SIGLEC10: variants seen among roughly 807,000 people sequenced by gnomAD.
SIGLEC10 encodes the protein sialic acid binding Ig like lectin 10.
SIGLEC10 carries 45 observed loss-of-function variants against 68.3 expected under a neutral mutation model. That is an observed-to-expected ratio of 0.66 (90% CI 0.52 to 0.84). SIGLEC10 has a LOEUF of 0.84. Among genes scored for constraint, SIGLEC10 ranks in the 40% least tolerant of loss-of-function variants. The pLI is 0.00. For missense variants in SIGLEC10, 789 were observed against 883.1 expected (o/e 0.89, Z 1.35); for synonymous variants, 379 against 370.8 (o/e 1.02, Z -0.26).
At chr19:51,416,414 A>G (rs1988661467) in intron 3 of SIGLEC10, 57 bp from the exon 4 acceptor site, 3 of 1,613,706 alleles carry the variant, frequency 1.9e-6, no homozygotes, top group South Asian at 1.1e-5. Flanking sequence ...TCACACCTGG[A>G]AAAAACTCCC....
At position 51,414,780 on chromosome 19, in the gene SIGLEC10, C is replaced by T; in HGVS notation, c.1615+44G>A. 1.9e-6 allele frequency: 3 copies of T among 1,607,962 alleles called. No homozygotes were observed. Among genetic ancestry groups the T allele is most frequent in the Admixed American group, 1.7e-5 (1 of 57,500 alleles). ...ACAGGACCCTACTCTTTGCCCCAGT[C>T]AGCTTCTCCTCCAAGAACCTTGGCA... On this transcript the variant is annotated intron_variant, in intron 8 of 10. Transcript: ENST00000339313. The surrounding 1 kb of genome is among the most constrained non-coding windows in gnomAD (Gnocchi z 4.1).
rs1988399600 is a variant in SIGLEC10, at chr19:51,414,712, A to G, written c.1615+112T>C. On this transcript the variant is annotated intron_variant, in intron 8 of 10. Transcript: ENST00000339313. This position sits in a 1 kb window ranked among gnomAD's most constrained non-coding sequence, Gnocchi z 4.1. ...ATTGTGTTTTCCTGTCTACATACAG[A>G]TGCCACGGGTCTGCTGTGTCCCTCC... is the stretch of plus-strand genomic sequence containing the variant. The G allele has an allele frequency of 6.5e-7, 1 of 1,528,172 alleles. No homozygotes were observed. Among genetic ancestry groups the G allele is most frequent in the African/African-American group, 1.4e-5 (1 of 71,690 alleles). The allele number at this position is 1,528,172 out of a possible 1,614,324, so 94.7% of individuals were successfully genotyped here. A position where few individuals can be genotyped will look rare whatever the true frequency, so the allele number is the denominator to read the frequency against.
chr19:51,415,140 T>A, intron 7 of SIGLEC10, 32 bp from the exon 8 acceptor site: 2 of 1,577,214 alleles, frequency 1.3e-6, no homozygotes, highest in Non-Finnish European at 1.7e-6. Flanking sequence ...CTCAGCAGGG[T>A]CCCCTTCCTG....
At position 51,414,496 on chromosome 19, in the gene SIGLEC10, T is replaced by C. The variant is rs745688969; in HGVS notation, c.1635A>G (p.Ser545=). 2 of 1,613,850 alleles carry C rather than the reference T, an allele frequency of 1.2e-6. No individual in the cohort carries two copies. Among genetic ancestry groups the C allele is most frequent in the Non-Finnish European group, 1.7e-6 (2 of 1,179,930 alleles). ...GAAACGCTCCGTTGGAGAATGCCGT[T>C]GAGATGAGTCCCTTCTTATCTGCAC... ...LQLPDKKGLI[S]TAFSNGAFLG... Residue 545 remains serine, a synonymous_variant, in exon 9 of 11, where the codon TCA becomes TCG. Coordinates refer to ENST00000339313, the MANE Select transcript of SIGLEC10 (RefSeq NM_033130.5). The surrounding 1 kb of genome is among the most constrained non-coding windows in gnomAD (Gnocchi z 4.1).
Position 51,415,112 on chromosome 19 carries a change from A to G in SIGLEC10, c.1331-4T>C. The stretch of plus-strand genomic sequence containing the variant: ...GGGCCCAGCAGCTTCGGGGAGTCTG[A>G]GGGGAGGGAGGACAGGACTCAGCAG... On this transcript the variant is annotated splice_polypyrimidine_tract_variant and splice_region_variant and intron_variant, in intron 7 of 10. Transcript: ENST00000339313. The G allele has an allele frequency of 6.4e-7, 1 of 1,571,150 alleles. No individual in the cohort carries two copies. The highest frequency in any genetic ancestry group is 1.2e-5 in the South Asian group (1 of 84,340).
intron 5 of SIGLEC10, 85 bp downstream of exon 5, chr19:51,415,813 C>T (rs1988561291): frequency 3.1e-6 from 5 of 1,590,344 alleles, no homozygotes; most frequent in African/African-American, 2.7e-5. Context: ...GGGCTCCAGG[C>T]CCCCTCAGCT....
chr19:51,416,697 G>A lies in SIGLEC10; in HGVS notation c.675C>T (p.Ser225=), dbSNP rs776706879. The A allele has an allele frequency of 2.1e-5, 34 of 1,613,954 alleles. No individual in the cohort carries two copies. Among genetic ancestry groups the A allele is most frequent in the South Asian group, 1.8e-4 (16 of 91,076 alleles). ...CACGGAGTCGGACGGTCCTCTGTGC[G>A]CTCACACCCTTTCTGGAGAAGTCCA... The part of the protein sequence containing the change: ...CHVDFSRKGV[S]AQRTVRLRVA... The change falls in exon 3 of 11, where the codon AGC becomes AGT. Residue 225 remains serine (S), a synonymous_variant. Transcript: ENST00000339313.
At chr19:51,416,529 G>A (rs748720482) in intron 3 of SIGLEC10, 137 bp downstream of exon 3, 35 of 1,570,124 alleles carry the variant, frequency 2.2e-5, no homozygotes, top group African/African-American at 6.8e-5. Context: ...CCAGGGCTGC[G>A]GCGGCATCCT....
chr19:51,410,752 G>T lies in SIGLEC10; in HGVS notation c.*347C>A. ...CAACCTCCGTCTCCCAGGTTCAAGT[G>T]ATTCTCCTGCCTCAGCTTCCCAAGT... On this transcript the variant is annotated 3_prime_UTR_variant, in exon 11 of 11. Transcript: ENST00000339313. 5.1e-6 allele frequency: 1 copy of T among 195,514 alleles called. No homozygotes were observed. Among genetic ancestry groups the T allele is most frequent in the Non-Finnish European group, 1.1e-5 (1 of 93,270 alleles). 12.1% of individuals were successfully genotyped at this position (195,514 alleles called of 1,614,324 possible). A position where few individuals can be genotyped will look rare whatever the true frequency, so the allele number is the denominator to read the frequency against.
chr19:51,413,240 G>T (rs1988183768), intron 10 of SIGLEC10, among the ~76,000 whole-genome samples: 1 of 152,142 alleles, frequency 6.6e-6, no homozygotes, highest in African/African-American at 2.4e-5. Flanking sequence ...GTGGCCGCTA[G>T]TATTGTCTCC....
chr19:51,415,784 G>A, intron 5 of SIGLEC10, 114 bp downstream of exon 5: 1 of 1,579,046 alleles, frequency 6.3e-7, no homozygotes, highest in Admixed American at 1.8e-5. Flanking sequence ...CAGGTAAGAA[G>A]GTCGGTCTCC....
chr19:51,414,189 A>G lies in SIGLEC10; in HGVS notation c.1709+233T>C, dbSNP rs1988284783. 1.7e-6 allele frequency: 1 copy of G among 578,638 alleles called. No individual in the cohort carries two copies. 35.8% of individuals were successfully genotyped at this position (578,638 alleles called of 1,614,324 possible). ...TTACTAACAAGCTTCAGCTGTGCCT[A>G]ATTACAAGAAACACTTCGCTTGGGG... On this transcript the variant is annotated intron_variant, in intron 9 of 10. Coordinates refer to ENST00000339313, the MANE Select transcript of SIGLEC10 (RefSeq NM_033130.5). The surrounding 1 kb of genome is among the most constrained non-coding windows in gnomAD (Gnocchi z 4.1).
chr19:51,411,792 G>A (rs1988036357), intron 10 of SIGLEC10, among the ~76,000 whole-genome samples: 1 of 152,034 alleles, frequency 6.6e-6, no homozygotes, highest in African/African-American at 2.4e-5. Context: ...GTTGTAGTGC[G>A]CTGAGACTGC....
chr19:51,411,651 G>A (rs1005667314), intron 10 of SIGLEC10, among the ~76,000 whole-genome samples: 1 of 152,180 alleles, frequency 6.6e-6, no homozygotes, highest in African/African-American at 2.4e-5. Context: ...TTCAAGACCG[G>A]CCTGGCCAAC....
chr19:51,411,972 G>A (rs1338829239), intron 10 of SIGLEC10, among the ~76,000 whole-genome samples: 1 of 151,672 alleles, frequency 6.6e-6, no homozygotes, highest in East Asian at 1.9e-4. Flanking sequence ...GTGAAACCCC[G>A]TCTCTACTAA....
chr19:51,414,334 G>T lies in SIGLEC10; in HGVS notation c.1709+88C>A. 9.2e-7 allele frequency: 1 copy of T among 1,092,662 alleles called. No individual in the cohort carries two copies. Among genetic ancestry groups the T allele is most frequent in the Admixed American group, 2.0e-5 (1 of 50,746 alleles). 67.7% of individuals were successfully genotyped at this position (1,092,662 alleles called of 1,614,324 possible). ...GTAACCTCCAGAGGTATACTGCGTT[G>T]ATCACGACCTTCACTCTTTCGGCCT... On this transcript the variant is annotated intron_variant, in intron 9 of 10. Coordinates refer to ENST00000339313, the MANE Select transcript of SIGLEC10 (RefSeq NM_033130.5). The surrounding 1 kb of genome is among the most constrained non-coding windows in gnomAD (Gnocchi z 4.1).
Position 51,417,472 on chromosome 19 carries a change from G to T in SIGLEC10, c.38-7C>A. 3 of 1,613,824 alleles carry T rather than the reference G, an allele frequency of 1.9e-6. No homozygotes were observed. Among genetic ancestry groups the T allele is most frequent in the Non-Finnish European group, 2.5e-6 (3 of 1,179,784 alleles). On this transcript the variant is annotated splice_polypyrimidine_tract_variant and splice_region_variant and intron_variant, in intron 1 of 10. Coordinates refer to ENST00000339313, the MANE Select transcript of SIGLEC10 (RefSeq NM_033130.5). ...CCATCCATAGCCTGGGACCCTGTGGGGAGACAGAGGCTCAACCTGCAACCC... is the reference window on the plus strand; with the variant it reads ...CCATCCATAGCCTGGGACCCTGTGGTGAGACAGAGGCTCAACCTGCAACCC...
In SIGLEC10 at chr19:51,415,543, T is replaced by C. The variant is rs532323983; in HGVS notation, c.1072+25A>G. On this transcript the variant is annotated intron_variant, in intron 6 of 10. Coordinates refer to ENST00000339313, the MANE Select transcript of SIGLEC10 (RefSeq NM_033130.5). ...GCCCCCAATTCGGCACTGAGAGGCC[T>C]TGGCTCCTCTGTCCCCTTTCCTACC... 4.2e-5 allele frequency: 67 copies of C among 1,614,038 alleles called. No homozygotes were observed. The East Asian group carries it at 9.8e-4, about 24-fold the overall frequency.
In SIGLEC10 at chr19:51,415,232, C is replaced by T. The variant is rs750650378; in HGVS notation, c.1279G>A (p.Ala427Thr). The T allele has an allele frequency of 2.7e-5, 43 of 1,613,590 alleles. No homozygotes were observed. The highest frequency in any genetic ancestry group is 3.6e-5 in the Non-Finnish European group (42 of 1,179,776). Residue 427 changes from alanine (A) to threonine (T), a missense_variant, in exon 7 of 11, where the codon GCT becomes ACT. By Grantham distance (58) the Ala-to-Thr change is moderately conservative. Transcript: ENST00000339313. ...TGCTGGGAGCCCAGTGGGTGCCGAGCGTGGCAGGTGAACTCTCCTTCGTGC... is the reference window on the plus strand; with the variant it reads ...TGCTGGGAGCCCAGTGGGTGCCGAGTGTGGCAGGTGAACTCTCCTTCGTGC... Reference protein sequence around the residue: ...VEHEGEFTCHARHPLGSQHVS... With the variant: ...VEHEGEFTCHTRHPLGSQHVS...
Sources: allele counts gnomAD v4.1 joint callset (sites outside exome capture counted in the v4.1 genomes callset), GRCh38; gene constraint gnomAD v4.1.1; non-coding constraint Gnocchi (gnomAD v3.1); transcripts MANE v1.5; gene names NCBI Gene and HGNC (gene_info 2026-07-23, HGNC 2026-07-21).